Variants in LRP1B observed in about 807,000 individuals in gnomAD.
LRP1B encodes low-density lipoprotein receptor-related protein 1B.
Under a neutral mutation model 556.6 loss-of-function variants are expected in LRP1B, and 217 were observed. The ratio of observed to expected loss-of-function variants is 0.39; its 90% CI spans 0.35 to 0.44. LRP1B has a LOEUF of 0.44. Ranked by LOEUF, LRP1B falls within the 20% of genes least tolerant of loss-of-function variation. The pLI, the probability that LRP1B is intolerant of heterozygous loss-of-function variation, is 1.00. For synonymous variants in LRP1B, 2,047 were observed against 1,865.8 expected (o/e 1.10, Z -2.50); for missense variants, 5,053 against 5,620.8 (o/e 0.90, Z 3.23).
chr2:140,611,620 G>A (rs1683076266), intron 41 of LRP1B, among the ~76,000 whole-genome samples: 1 of 152,018 alleles, frequency 6.6e-6, no homozygotes, highest in Admixed American at 6.6e-5. Context: ...AGAAACATAA[G>A]AGATGAATAG....
Position 140,364,944 on chromosome 2 carries a change from A to G in LRP1B, c.11009-161T>C, listed in dbSNP as rs16856014. ...TAATACCAGGAACAAGTAATATTCAATTTTTTTTAATAACATGTATTCATT... is the reference window on the plus strand; with the variant it reads ...TAATACCAGGAACAAGTAATATTCAGTTTTTTTTAATAACATGTATTCATT... On this transcript the variant is annotated intron_variant, in intron 71 of 90. Transcript: ENST00000389484. Among the ~76,000 whole-genome samples the G allele has an allele frequency of 3.3e-3, 492 of 151,328 alleles. 4 individuals are homozygous for G. Among genetic ancestry groups the G allele is most frequent in the African/African-American group, 0.012 (483 of 41,374 alleles).
chr2:141,261,846 T>C (rs1684702740), intron 3 of LRP1B, among the ~76,000 whole-genome samples: 1 of 152,206 alleles, frequency 6.6e-6, no homozygotes. Context: ...TAAGTCTCTA[T>C]AAATATTTAC....
intron 41 of LRP1B, among the ~76,000 whole-genome samples, chr2:140,640,316 T>C (rs1046639829): frequency 1.3e-5 from 2 of 148,912 alleles, no homozygotes; most frequent in Non-Finnish European, 3.0e-5. Context: ...TTTAAGATTA[T>C]TTCACTGGTC....
At chr2:141,491,710 C>T (rs1205577113) in intron 2 of LRP1B, among the ~76,000 whole-genome samples, 1 of 152,134 alleles carries the variant, frequency 6.6e-6, no homozygotes, top group Non-Finnish European at 1.5e-5. Flanking sequence ...CCAACTGGCT[C>T]ATCCACTTGT....
In LRP1B at chr2:141,611,676, C is replaced by A. The variant is rs528733447; in HGVS notation, c.206-131143G>T. Among the ~76,000 whole-genome samples the A allele has an allele frequency of 1.4e-4, 22 of 152,228 alleles. No homozygotes were observed. In the South Asian group the frequency reaches 3.9e-3, roughly 27 times the overall value. ...AAAAACAGTGAATTAATGTTGTTAT[C>A]TTAATATTGTTTAAATGGCCTCTAG... is the stretch of plus-strand genomic sequence containing the variant. On this transcript the variant is annotated intron_variant, in intron 2 of 90. Transcript: ENST00000389484.
intron 2 of LRP1B, among the ~76,000 whole-genome samples, chr2:141,704,100 G>C (rs1178633756): frequency 6.6e-6 from 1 of 151,836 alleles, no homozygotes; most frequent in African/African-American, 2.4e-5. Context: ...CCATTTTAAT[G>C]AGAAAAATGA....
chr2:141,314,559 A>G (rs564611911), intron 3 of LRP1B, among the ~76,000 whole-genome samples: 16 of 151,922 alleles, frequency 1.1e-4, no homozygotes, highest in African/African-American at 3.6e-4. Context: ...TGGGAGGTGG[A>G]GGTGGGCGGG....
At chr2:141,544,352 C>CTTCTTCTTCTT (rs1685446309) in intron 2 of LRP1B, among the ~76,000 whole-genome samples, 5 of 89,572 alleles carry the variant, frequency 5.6e-5, no homozygotes, top group African/African-American at 7.7e-5. Flanking sequence ...TCTTCTTCTT[C>CTTCTTCTTCTT]TTCTTCTTCT....
At chr2:140,462,444 T>C (rs905641216) in intron 60 of LRP1B, among the ~76,000 whole-genome samples, 3 of 152,332 alleles carry the variant, frequency 2.0e-5, no homozygotes, top group Admixed American at 6.5e-5. Context: ...TACCAGAAGC[T>C]AGTGAAAAAT....
chr2:141,844,204 A>G (rs367595333), intron 1 of LRP1B, among the ~76,000 whole-genome samples: 2 of 152,100 alleles, frequency 1.3e-5, no homozygotes, highest in East Asian at 1.9e-4. Flanking sequence ...ACATCTACTT[A>G]CCTTCTACTC....
chr2:140,763,674 T>C (rs1359012424), intron 35 of LRP1B, among the ~76,000 whole-genome samples: 1 of 152,176 alleles, frequency 6.6e-6, no homozygotes, highest in Admixed American at 6.6e-5. Context: ...TTTCATGTTT[T>C]GAATTTAGAA....
intron 60 of LRP1B, among the ~76,000 whole-genome samples, chr2:140,460,068 A>G (rs1210579554): frequency 6.6e-6 from 1 of 152,222 alleles, no homozygotes; most frequent in East Asian, 1.9e-4. Context: ...ATGGACTAAT[A>G]CAAGTAAAGT....
At chr2:141,692,634 C>T (rs531158163) in intron 2 of LRP1B, among the ~76,000 whole-genome samples, 35 of 152,098 alleles carry the variant, frequency 2.3e-4, no homozygotes, top group Admixed American at 2.1e-3. Flanking sequence ...TCATGAGTCC[C>T]TCCAAGAAGG....
chr2:140,666,025 A>G (rs1232220214), intron 41 of LRP1B, among the ~76,000 whole-genome samples: 2 of 147,718 alleles, frequency 1.4e-5, no homozygotes, highest in African/African-American at 5.0e-5. Context: ...ACGGAGTCTC[A>G]CTCTGTTGCC....
At chr2:141,799,398 A>T (rs1464799792) in intron 2 of LRP1B, among the ~76,000 whole-genome samples, 1 of 152,144 alleles carries the variant, frequency 6.6e-6, no homozygotes, top group East Asian at 1.9e-4. Flanking sequence ...GGGGGTTTTG[A>T]CACACCACTG....
At chr2:140,394,902 G>A (rs1684184688) in intron 66 of LRP1B, among the ~76,000 whole-genome samples, 1 of 152,080 alleles carries the variant, frequency 6.6e-6, no homozygotes, top group African/African-American at 2.4e-5. Context: ...AAGAACTGGT[G>A]TCTCAGAAGA....
At chr2:140,929,544 G>T (rs1345180230) in intron 20 of LRP1B, among the ~76,000 whole-genome samples, 1 of 151,950 alleles carries the variant, frequency 6.6e-6, no homozygotes, top group South Asian at 2.1e-4. Context: ...TGAATGTCTT[G>T]GATATAACCT....
At chr2:141,395,545 T>C (rs993794628) in intron 3 of LRP1B, among the ~76,000 whole-genome samples, 23 of 152,172 alleles carry the variant, frequency 1.5e-4, no homozygotes, top group Admixed American at 1.4e-3. Context: ...TGCATTACTC[T>C]GAAGGTATAC....
chr2:140,840,236 G>A, intron 30 of LRP1B, 151 bp from the exon 31 acceptor site: 2 of 555,426 alleles, frequency 3.6e-6, no homozygotes, highest in Non-Finnish European at 3.1e-6. Flanking sequence ...CCAGCCATTT[G>A]CCAGCAATAA....
Sources: allele counts gnomAD v4.1 joint callset (sites outside exome capture counted in the v4.1 genomes callset), GRCh38; gene constraint gnomAD v4.1.1; transcripts MANE v1.5; gene names NCBI Gene and HGNC (gene_info 2026-07-23, HGNC 2026-07-21).